The following KNTC1 variants were observed in gnomAD, a reference collection of about 807,000 sequenced individuals.
KNTC1 encodes the protein kinetochore-associated protein 1.
Under a neutral mutation model 314.4 loss-of-function variants are expected in KNTC1, and 253 were observed. The observed-to-expected ratio is 0.80, with a 90% CI of 0.73 to 0.89. KNTC1 has a LOEUF of 0.89. Ranked by LOEUF, KNTC1 falls within the 40% of genes least tolerant of loss-of-function variation. The pLI, the probability that KNTC1 is intolerant of heterozygous loss-of-function variation, is 0.00. For missense variants in KNTC1, 2,475 were observed against 2,572.9 expected (o/e 0.96, Z 0.82); for synonymous variants, 901 against 901.4 (o/e 1.00, Z 0.01).
At chr12:122,578,994 G>A (rs938183603) in intron 31 of KNTC1, among the ~76,000 whole-genome samples, 4 of 140,748 alleles carry the variant, frequency 2.8e-5, no homozygotes, top group African/African-American at 1.0e-4. Context: ...CAGAACCTCA[G>A]CTCAAACTGT....
At chr12:122,534,351 A>G (rs1010514599) in intron 2 of KNTC1, among the ~76,000 whole-genome samples, 8 of 152,128 alleles carry the variant, frequency 5.3e-5, no homozygotes, top group African/African-American at 1.9e-4. Context: ...CTTTATTCCA[A>G]TCTTGATTAA....
At chr12:122,570,386 G>A (rs913730528) in intron 22 of KNTC1, among the ~76,000 whole-genome samples, 8 of 151,764 alleles carry the variant, frequency 5.3e-5, no homozygotes, top group African/African-American at 1.9e-4. Context: ...GGGCATGGTG[G>A]CATGCCTGTA....
At chr12:122,625,173 G>A in intron 63 of KNTC1, among the ~76,000 whole-genome samples, 1 of 152,156 alleles carries the variant, frequency 6.6e-6, no homozygotes, top group South Asian at 2.1e-4. Flanking sequence ...GGGAGGCCAA[G>A]GGGCAGATTA....
At chr12:122,609,257 A>G in intron 51 of KNTC1, 127 bp from the exon 52 acceptor site, 1 of 677,668 alleles carries the variant, frequency 1.5e-6, no homozygotes, top group Non-Finnish European at 2.6e-6. Flanking sequence ...AATTTATGTT[A>G]TAATTTTTCA....
chr12:122,575,470 T>G lies in KNTC1; in HGVS notation c.2383-73T>G. The G allele has an allele frequency of 3.1e-6, 3 of 956,532 alleles. No individual in the cohort carries two copies. In the South Asian group the frequency reaches 4.2e-5, roughly 13 times the overall value. 59.3% of individuals were successfully genotyped at this position (956,532 alleles called of 1,614,324 possible). On this transcript the variant is annotated intron_variant, in intron 27 of 63. Coordinates refer to ENST00000333479, the MANE Select transcript of KNTC1 (RefSeq NM_014708.6). Reference sequence around the variant, plus strand: ...TGTGGTTGATGTAAGACCTGCTGATTAGACTGTGCTGTTCACTTGCATGCA... The same window carrying G: ...TGTGGTTGATGTAAGACCTGCTGATGAGACTGTGCTGTTCACTTGCATGCA...
At chr12:122,531,301 G>C (rs1299364499) in intron 2 of KNTC1, among the ~76,000 whole-genome samples, 1 of 151,850 alleles carries the variant, frequency 6.6e-6, no homozygotes, top group African/African-American at 2.4e-5. Context: ...CTGCCTCCTG[G>C]GTTCAAAAAA....
intron 2 of KNTC1, among the ~76,000 whole-genome samples, chr12:122,533,647 T>A (rs1961560425): frequency 6.6e-6 from 1 of 152,156 alleles, no homozygotes; most frequent in African/African-American, 2.4e-5. Flanking sequence ...CAGTGAGTTA[T>A]GATGGCATCA....
Position 122,582,731 on chromosome 12 carries a change from T to C in KNTC1, c.3009T>C (p.Phe1003=). 1.2e-6 allele frequency: 2 copies of C among 1,605,928 alleles called. No homozygotes were observed. Among genetic ancestry groups the C allele is most frequent in the Non-Finnish European group, 1.7e-6 (2 of 1,175,526 alleles). ...AGAACTTTGAGGTCTTTCTTTCATT[T>C]GAAGATTATAGCAATAGTTCCCTGG... ...LQENFEVFLS[F]EDYSNSSLVA... Residue 1003 remains phenylalanine (F), a synonymous_variant, in exon 34 of 64, where the codon TTT becomes TTC. Transcript: ENST00000333479.
intron 51 of KNTC1, among the ~76,000 whole-genome samples, chr12:122,607,301 T>C (rs963135930): frequency 9.2e-5 from 14 of 152,224 alleles, no homozygotes; most frequent in African/African-American, 3.4e-4. Context: ...TGGCCTCATA[T>C]GTTCCTTCCA....
At chr12:122,533,936 T>C (rs78480968) in intron 2 of KNTC1, among the ~76,000 whole-genome samples, 1,625 of 150,712 alleles carry the variant, frequency 0.011, 53 homozygotes, top group African/African-American at 0.039. Context: ...GGTATTATTA[T>C]TGTTACTCTT....
intron 36 of KNTC1, among the ~76,000 whole-genome samples, chr12:122,585,373 A>G (rs974282223): frequency 2.6e-5 from 4 of 152,102 alleles, no homozygotes; most frequent in African/African-American, 4.8e-5. Context: ...GTTTATGAAA[A>G]TACTGAATCC....
chr12:122,582,209 G>A (rs1234151271), intron 33 of KNTC1, among the ~76,000 whole-genome samples: 1 of 152,120 alleles, frequency 6.6e-6, no homozygotes, highest in Non-Finnish European at 1.5e-5. Context: ...TTGAGCTCAT[G>A]AGTTTGAGAC....
rs775527571 is a variant in KNTC1 at position 122,539,706 on chromosome 12, C to T, written c.397C>T (p.Arg133Trp). 25 of 1,580,420 alleles carry T rather than the reference C, an allele frequency of 1.6e-5. No homozygotes were observed. In the Admixed American group the frequency reaches 2.7e-4, roughly 17 times the overall value. Reference protein sequence around the residue: ...AFVQKANDENRRTYQNLVIEK... With the variant: ...AFVQKANDENWRTYQNLVIEK... ...TGTTCAGAAAGCTAACGATGAAAAT[C>T]GGCGGACTTACCAGAATCTTGTCAT... is the stretch of plus-strand genomic sequence containing the variant. Residue 133 changes from arginine to tryptophan, a missense_variant, in exon 5 of 64, where the codon CGG (arginine) becomes TGG (tryptophan). Transcript: ENST00000333479.
At chr12:122,588,880 G>A in intron 40 of KNTC1, 64 bp downstream of exon 40, 1 of 957,676 alleles carries the variant, frequency 1.0e-6, no homozygotes, top group Non-Finnish European at 1.5e-6. Context: ...TCAGTTAATT[G>A]CATATGACTC....
chr12:122,593,961 A>C (rs1357697704), intron 42 of KNTC1: 1 of 228,296 alleles, frequency 4.4e-6, no homozygotes, highest in East Asian at 9.7e-5. Flanking sequence ...TCAGAAAGGT[A>C]ATCAGTACAG....
chr12:122,585,669 G>C lies in KNTC1; in HGVS notation c.3568G>C (p.Glu1190Gln). 1 of 1,613,890 alleles carries C rather than the reference G, an allele frequency of 6.2e-7. No homozygotes were observed. The highest frequency in any genetic ancestry group is 8.5e-7 in the Non-Finnish European group (1 of 1,179,796). The change falls in exon 37 of 64, where the codon GAG becomes CAG. Residue 1190 changes from glutamate (E) to glutamine (Q), a missense_variant. Glu to Gln is a conservative substitution (Grantham distance 29). Transcript: ENST00000333479. ...TGGGACACATAAAGATCCATATGAA[G>C]AGTGGTCTTACAGTGACTTCTTCAG... Reference protein sequence around the residue: ...SFGTHKDPYEEWSYSDFFSED... With the variant: ...SFGTHKDPYEQWSYSDFFSED...
At chr12:122,563,599 C>G in intron 20 of KNTC1, 1 of 351,820 alleles carries the variant, frequency 2.8e-6, no homozygotes, top group Non-Finnish European at 4.8e-6. Context: ...AGTAAATTTA[C>G]CCAGGAATTT....
chr12:122,582,719 C>T lies in KNTC1; in HGVS notation c.2997C>T (p.Val999=). Reference sequence around the variant, plus strand: ...CTTTGCTACAGGAGAACTTTGAGGTCTTTCTTTCATTTGAAGATTATAGCA... The same window carrying T: ...CTTTGCTACAGGAGAACTTTGAGGTTTTTCTTTCATTTGAAGATTATAGCA... The part of the protein sequence containing the change: ...EVASLQENFE[V]FLSFEDYSNS... Residue 999 remains valine (V), a synonymous_variant, in exon 34 of 64, where the codon GTC becomes GTT. Transcript: ENST00000333479. 1 of 1,601,384 alleles carries T rather than the reference C, an allele frequency of 6.2e-7. No individual in the cohort carries two copies. The highest frequency in any genetic ancestry group is 1.7e-5 in the Admixed American group (1 of 59,028).
chr12:122,623,112 T>A (rs1039706519), intron 62 of KNTC1, among the ~76,000 whole-genome samples: 1 of 152,188 alleles, frequency 6.6e-6, no homozygotes, highest in Non-Finnish European at 1.5e-5. Context: ...AATCTGACAA[T>A]TAAACAGGTC....
Sources: gnomAD v4.1 joint callset for allele counts (sites outside exome capture counted in the v4.1 genomes callset) on GRCh38, gnomAD v4.1.1 for gene constraint, MANE v1.5 for transcripts, NCBI Gene and HGNC (gene_info 2026-07-23, HGNC 2026-07-21) for gene names.